The following AUTS2 variants were observed in gnomAD, a reference collection of about 807,000 sequenced individuals.
The protein encoded by AUTS2 is autism susceptibility gene 2 protein.
A neutral mutation model predicts 112.4 loss-of-function variants in AUTS2; 17 were observed. That is an observed-to-expected ratio of 0.15 (90% CI 0.10 to 0.23). The LOEUF is 0.23. Ranked by LOEUF, AUTS2 falls within the 10% of genes least tolerant of loss-of-function variation. AUTS2 has a pLI of 1.00. For synonymous variants in AUTS2, 751 were observed against 702.7 expected, an observed-to-expected ratio of 1.07 and a Z score of -1.09; for missense variants, 1,510 against 1,701.6, an observed-to-expected ratio of 0.89 and a Z score of 1.98.
intron 2 of AUTS2, among the ~76,000 whole-genome samples, chr7:70,107,556 A>T (rs1157432798): frequency 6.7e-6 from 1 of 148,716 alleles, no homozygotes; most frequent in Non-Finnish European, 1.5e-5. Context: ...ATTGGCCAGG[A>T]TGGTCTCAAT....
At chr7:70,228,955 T>C (rs2060257236) in intron 4 of AUTS2, among the ~76,000 whole-genome samples, 1 of 152,016 alleles carries the variant, frequency 6.6e-6, no homozygotes, top group Admixed American at 6.6e-5. Context: ...AATTGATTTA[T>C]GGCTTGGTAG....
At chr7:69,709,766 A>G (rs931864721) in intron 1 of AUTS2, among the ~76,000 whole-genome samples, 1 of 152,190 alleles carries the variant, frequency 6.6e-6, no homozygotes, top group Admixed American at 6.5e-5. Flanking sequence ...AACCTTTATT[A>G]TGGGAGGAGT....
intron 5 of AUTS2, among the ~76,000 whole-genome samples, chr7:70,633,626 A>T (rs1046721943): frequency 2.0e-5 from 3 of 151,704 alleles, no homozygotes; most frequent in African/African-American, 7.3e-5. Context: ...AAAAAAAAAA[A>T]AAAGGACAGA....
chr7:70,150,968 G>A lies in AUTS2; in HGVS notation c.660+16397G>A, dbSNP rs111370609. On this transcript the variant is annotated intron_variant, in intron 4 of 18. Transcript: ENST00000342771. ...TAAGGCAGTAAGGACAGTGATCCCT[G>A]AAAGAAAGTAAACAAATGTAGTCAT... Among the ~76,000 whole-genome samples, 652 of 152,296 alleles carry A rather than the reference G, an allele frequency of 4.3e-3. 4 individuals are homozygous for A. Among genetic ancestry groups the A allele is most frequent in the Non-Finnish European group, 7.3e-3 (498 of 68,016 alleles).
At chr7:70,382,737 CCTTT>C (rs1244445458) in intron 4 of AUTS2, among the ~76,000 whole-genome samples, 1 of 152,162 alleles carries the variant, frequency 6.6e-6, no homozygotes, top group Admixed American at 6.5e-5. Flanking sequence ...TTCTAAGACT[CCTTT>C]CTCATTCTGA....
intron 3 of AUTS2, among the ~76,000 whole-genome samples, chr7:70,130,276 G>A (rs1236775915): frequency 6.6e-6 from 1 of 152,132 alleles, no homozygotes; most frequent in East Asian, 1.9e-4. Context: ...CAGTAGCCAT[G>A]GCCTCTCTGT....
At chr7:70,649,039 C>T (rs1806334068) in intron 5 of AUTS2, among the ~76,000 whole-genome samples, 1 of 152,138 alleles carries the variant, frequency 6.6e-6, no homozygotes, top group Admixed American at 6.5e-5. Context: ...TTCCTATTGA[C>T]CTAAGTCTCT....
chr7:69,671,452 A>G (rs1340103673), intron 1 of AUTS2, among the ~76,000 whole-genome samples: 1 of 135,356 alleles, frequency 7.4e-6, no homozygotes, highest in Non-Finnish European at 1.6e-5. Flanking sequence ...GTGAACAGGG[A>G]TCAGCACAAA....
intron 6 of AUTS2, among the ~76,000 whole-genome samples, chr7:70,757,203 A>G (rs796234984): frequency 5.9e-5 from 9 of 152,314 alleles, no homozygotes; most frequent in African/African-American, 2.2e-4. Context: ...TTTTCTTGTT[A>G]GGTTCATTCC....
chr7:70,181,336 A>T (rs767053121), intron 4 of AUTS2, among the ~76,000 whole-genome samples: 5 of 152,360 alleles, frequency 3.3e-5, no homozygotes, highest in Non-Finnish European at 5.9e-5. Context: ...CGTGATTGAT[A>T]CAAGACTGCT....
chr7:69,904,772 A>G (rs1322744669), intron 2 of AUTS2, among the ~76,000 whole-genome samples: 1 of 152,082 alleles, frequency 6.6e-6, no homozygotes, highest in South Asian at 2.1e-4. Flanking sequence ...TTTCCTTTTT[A>G]TGAATTTAAG....
At chr7:70,082,802 G>T (rs1418219646) in intron 2 of AUTS2, among the ~76,000 whole-genome samples, 1 of 151,992 alleles carries the variant, frequency 6.6e-6, no homozygotes, top group Non-Finnish European at 1.5e-5. Flanking sequence ...TAACTGTTTT[G>T]TACTGACTTG....
At chr7:70,644,063 T>C (rs552337385) in intron 5 of AUTS2, among the ~76,000 whole-genome samples, 14 of 152,306 alleles carry the variant, frequency 9.2e-5, no homozygotes, top group South Asian at 8.3e-4. Context: ...GACGACACTT[T>C]GGGAACTACT....
intron 1 of AUTS2, among the ~76,000 whole-genome samples, chr7:69,690,972 G>A (rs757954059): frequency 2.0e-5 from 3 of 152,154 alleles, no homozygotes; most frequent in African/African-American, 2.4e-5. Context: ...TCATCCTGAC[G>A]AGTTTCCAGC....
intron 5 of AUTS2, among the ~76,000 whole-genome samples, chr7:70,618,441 T>G (rs1804494228): frequency 6.6e-6 from 1 of 152,208 alleles, no homozygotes; most frequent in Admixed American, 6.5e-5. Context: ...TCGCAGTTTA[T>G]GCCTTCATTC....
intron 2 of AUTS2, among the ~76,000 whole-genome samples, chr7:69,953,922 C>T (rs571903002): frequency 6.6e-6 from 1 of 152,096 alleles, no homozygotes; most frequent in Non-Finnish European, 1.5e-5. Context: ...TCTGCATATA[C>T]CTCACAGCTG....
At chr7:69,865,327 A>G (rs1793173588) in intron 1 of AUTS2, among the ~76,000 whole-genome samples, 1 of 152,022 alleles carries the variant, frequency 6.6e-6, no homozygotes, top group African/African-American at 2.4e-5. Context: ...TTATTTCCGA[A>G]TGGTGCCCAG....
In AUTS2 at chr7:70,155,155, T is replaced by G. The variant is rs1035209063; in HGVS notation, c.660+20584T>G. Among the ~76,000 whole-genome samples the G allele has an allele frequency of 2.0e-5, 3 of 152,132 alleles. No homozygotes were observed. The East Asian group carries it at 5.8e-4, about 29-fold the overall frequency. On this transcript the variant is annotated intron_variant, in intron 4 of 18. Coordinates refer to ENST00000342771, the MANE Select transcript of AUTS2 (RefSeq NM_015570.4). ...CACTGTTATGGTGGTATGTTGCTCATTTAGAGTGGTCTCATTCAAGCAAGA... is the reference window on the plus strand; with the variant it reads ...CACTGTTATGGTGGTATGTTGCTCAGTTAGAGTGGTCTCATTCAAGCAAGA...
At chr7:69,712,590 T>C (rs1196731527) in intron 1 of AUTS2, among the ~76,000 whole-genome samples, 1 of 152,232 alleles carries the variant, frequency 6.6e-6, no homozygotes, top group Non-Finnish European at 1.5e-5. Flanking sequence ...TTCCATTGTA[T>C]GGATACACCA....
Sources: gnomAD v4.1 joint callset for allele counts (sites outside exome capture counted in the v4.1 genomes callset) on GRCh38, gnomAD v4.1.1 for gene constraint, MANE v1.5 for transcripts, NCBI Gene and HGNC (gene_info 2026-07-23, HGNC 2026-07-21) for gene names.